LCA5: variants seen among roughly 807,000 people sequenced by gnomAD.
LCA5 encodes lebercilin LCA5.
Under a neutral mutation model 53.0 loss-of-function variants are expected in LCA5, and 37 were observed. That is an observed-to-expected ratio of 0.70 (90% CI 0.54 to 0.92). The LOEUF (loss-of-function observed/expected upper bound fraction) is 0.92. Among genes scored for constraint, LCA5 ranks in the 40% least tolerant of loss-of-function variants. The pLI is 0.00. For synonymous variants in LCA5, 303 were observed against 282.9 expected, an observed-to-expected ratio of 1.07 and a Z score of -0.71; for missense variants, 806 against 790.5, an observed-to-expected ratio of 1.02 and a Z score of -0.23.
At chr6:79,534,217 T>C (rs1767042400) in intron 1 of LCA5, among the ~76,000 whole-genome samples, 1 of 151,768 alleles carries the variant, frequency 6.6e-6, no homozygotes, top group African/African-American at 2.4e-5. Context: ...TATTTAAAAA[T>C]AAAACAAAAA....
intron 3 of LCA5, among the ~76,000 whole-genome samples, chr6:79,496,188 T>C (rs1018119843): frequency 7.9e-5 from 12 of 152,188 alleles, no homozygotes; most frequent in Admixed American, 3.9e-4. Flanking sequence ...GCATACAAAA[T>C]GGCAAGGATG....
At chr6:79,538,036 T>G (rs1309429978), upstream of LCA5, among the ~76,000 whole-genome samples, 5 of 137,566 alleles carry the variant, frequency 3.6e-5, no homozygotes, top group East Asian at 6.1e-4. Flanking sequence ...TTTTTTTTTT[T>G]TTTTTTTTTT....
At chr6:79,509,142 G>A (rs999661919) in intron 3 of LCA5, among the ~76,000 whole-genome samples, 1 of 152,116 alleles carries the variant, frequency 6.6e-6, no homozygotes, top group Non-Finnish European at 1.5e-5. Context: ...CAGCTGATAT[G>A]AGGTTATTGG....
chr6:79,513,208 G>T lies in LCA5; in HGVS notation c.720+4C>A. On this transcript the variant is annotated splice_donor_region_variant and intron_variant, in intron 3 of 7. Transcript: ENST00000369846. ...AGTACAATTAGAAGCTGTAGAAATT[G>T]TACCTTAATTCTTCTCTCGGTGTCA... 1.2e-6 allele frequency: 2 copies of T among 1,611,464 alleles called. No homozygotes were observed. The highest frequency in any genetic ancestry group is 1.1e-5 in the South Asian group (1 of 91,000).
At chr6:79,528,243 T>C (rs758047980) in intron 1 of LCA5, among the ~76,000 whole-genome samples, 9 of 152,184 alleles carry the variant, frequency 5.9e-5, no homozygotes, top group Non-Finnish European at 1.0e-4. Flanking sequence ...CCCAGAGCAA[T>C]TCCCTCGTTC....
In LCA5 at chr6:79,487,400, C is replaced by A. The variant is rs1582610261; in HGVS notation, c.1698G>T (p.Arg566Ser). ...YVPSFAKTSERSNPFSQKSSF... is the reference protein window; with the variant it reads ...YVPSFAKTSESSNPFSQKSSF... ...TACTTTTTTGACTAAATGGATTTGA[C>A]CTCTCTGATGTTTTTGCAAACGAAG... The change falls in exon 8 of 8, where the codon AGG (arginine) becomes AGT (serine). Residue 566 changes from arginine (R) to serine (S), a missense_variant. Transcript: ENST00000369846. The A allele has an allele frequency of 6.2e-7, 1 of 1,613,080 alleles. No homozygotes were observed. The highest frequency in any genetic ancestry group is 1.3e-5 in the African/African-American group (1 of 74,854).
At chr6:79,490,938 G>A (rs1769819917) in intron 6 of LCA5, among the ~76,000 whole-genome samples, 1 of 151,912 alleles carries the variant, frequency 6.6e-6, no homozygotes, top group African/African-American at 2.4e-5. Context: ...AAGTCCAACA[G>A]AGACCCCTTG....
At chr6:79,526,288 A>C (rs1001943044) in intron 1 of LCA5, among the ~76,000 whole-genome samples, 8 of 152,292 alleles carry the variant, frequency 5.3e-5, no homozygotes, top group African/African-American at 1.9e-4. Flanking sequence ...TCATGCCTGT[A>C]ATCTCAGCAT....
chr6:79,490,493 C>T (rs1285169206), intron 6 of LCA5, among the ~76,000 whole-genome samples: 1 of 152,012 alleles, frequency 6.6e-6, no homozygotes, highest in African/African-American at 2.4e-5. Flanking sequence ...GTTTCTATTC[C>T]TTCTGTTGAA....
chr6:79,523,059 C>G (rs187151429), intron 1 of LCA5, among the ~76,000 whole-genome samples: 40 of 152,204 alleles, frequency 2.6e-4, no homozygotes, highest in African/African-American at 9.2e-4. Flanking sequence ...ATTATGTAAA[C>G]TGATAGAAGA....
intron 6 of LCA5, among the ~76,000 whole-genome samples, chr6:79,490,702 A>C (rs1191006445): frequency 6.6e-6 from 1 of 152,096 alleles, no homozygotes; most frequent in Non-Finnish European, 1.5e-5. Context: ...AAAAAACTAG[A>C]ATATACACAG....
At position 79,487,543 on chromosome 6, in the gene LCA5, A is replaced by G. The variant is rs756115302; in HGVS notation, c.1555T>C (p.Phe519Leu). 1 of 1,613,932 alleles carries G rather than the reference A, an allele frequency of 6.2e-7. No homozygotes were observed. Among genetic ancestry groups the G allele is most frequent in the South Asian group, 1.1e-5 (1 of 91,086 alleles). Residue 519 changes from phenylalanine (F) to leucine (L), a missense_variant, in exon 8 of 8, where the codon TTT becomes CTT. Transcript: ENST00000369846. ...ATGTCTTGCAAATGATGCCCATTAA[A>G]TAATCTCTCTGAGGATTCAGAGAAC... Reference protein sequence around the residue: ...YRFSESSERLFNGHHLQDISF... With the variant: ...YRFSESSERLLNGHHLQDISF...
intron 3 of LCA5, among the ~76,000 whole-genome samples, chr6:79,500,586 C>T (rs1582626757): frequency 1.3e-5 from 2 of 152,114 alleles, no homozygotes; most frequent in African/African-American, 4.8e-5. Context: ...TACAGTAATA[C>T]TTTTTTACAG....
chr6:79,499,770 G>C (rs1428157479), intron 3 of LCA5, among the ~76,000 whole-genome samples: 1 of 150,122 alleles, frequency 6.7e-6, no homozygotes. Flanking sequence ...ATGTATACAT[G>C]TGCCATGCTG....
chr6:79,513,875 T>C, intron 2 of LCA5, 134 bp from the exon 3 acceptor site: 1 of 827,626 alleles, frequency 1.2e-6, no homozygotes, highest in Middle Eastern at 2.9e-4. Flanking sequence ...CAATATTTAG[T>C]AAAGTATCAA....
chr6:79,495,499 C>A (rs967073970), intron 3 of LCA5, among the ~76,000 whole-genome samples: 2 of 151,970 alleles, frequency 1.3e-5, no homozygotes, highest in Admixed American at 6.6e-5. Context: ...TGTCTGTAAT[C>A]CCAGCACTCT....
chr6:79,518,199 C>T (rs374991558), intron 2 of LCA5, among the ~76,000 whole-genome samples: 1 of 152,094 alleles, frequency 6.6e-6, no homozygotes, highest in African/African-American at 2.4e-5. Flanking sequence ...TTATAACACA[C>T]TTCAAAAGAA....
At position 79,489,135 on chromosome 6, in the gene LCA5, T is replaced by C; in HGVS notation, c.1180A>G (p.Thr394Ala). ...PIMEREEKFV[T>A]DEELHVVKQE... ...TTTACGACATGGAGTTCTTCATCTG[T>C]AACAAATTTTTCTTCTCTTTCCATA... The change falls in exon 7 of 8, where the codon ACA becomes GCA. Residue 394 changes from threonine (T) to alanine (A), a missense_variant. Transcript: ENST00000369846. 6.2e-7 allele frequency: 1 copy of C among 1,613,248 alleles called. No homozygotes were observed. Among genetic ancestry groups the C allele is most frequent in the Non-Finnish European group, 8.5e-7 (1 of 1,179,744 alleles).
At chr6:79,518,529 C>T (rs1453265548) in intron 2 of LCA5, among the ~76,000 whole-genome samples, 176 bp downstream of exon 2, 1 of 151,948 alleles carries the variant, frequency 6.6e-6, no homozygotes, top group Non-Finnish European at 1.5e-5. Context: ...TTTAATAGTA[C>T]CATCAAGCAA....
Sources: allele counts gnomAD v4.1 joint callset (sites outside exome capture counted in the v4.1 genomes callset), GRCh38; gene constraint gnomAD v4.1.1; transcripts MANE v1.5; gene names NCBI Gene and HGNC (gene_info 2026-07-23, HGNC 2026-07-21).